The following ALCAM variants were observed in gnomAD, a reference collection of about 807,000 sequenced individuals.
ALCAM encodes the protein activated leukocyte cell adhesion molecule, also known as CD166 antigen.
ALCAM carries 30 observed loss-of-function variants against 70.9 expected under a neutral mutation model. The ratio of observed to expected loss-of-function variants is 0.42; its 90% CI spans 0.32 to 0.57. The LOEUF is 0.57. ALCAM is among the 20% of genes least tolerant of loss of function. The pLI, the probability that ALCAM is intolerant of heterozygous loss-of-function variation, is 0.11. For synonymous variants in ALCAM, 249 were observed against 242.5 expected (o/e 1.03, Z -0.25); for missense variants, 591 against 695.1 (o/e 0.85, Z 1.68).
At chr3:105,422,586 G>A (rs2107418819) in intron 1 of ALCAM, among the ~76,000 whole-genome samples, 1 of 151,460 alleles carries the variant, frequency 6.6e-6, no homozygotes, top group African/African-American at 2.4e-5. Flanking sequence ...TTAATTTATG[G>A]CGCTGTTGTA....
At chr3:105,552,103 A>G in intron 12 of ALCAM, 41 bp from the exon 13 acceptor site, 1 of 1,502,708 alleles carries the variant, frequency 6.7e-7, no homozygotes, top group South Asian at 1.2e-5. Context: ...ATATATCAAC[A>G]AATTTTGTTT....
At chr3:105,458,741 C>G (rs1937565817) in intron 1 of ALCAM, among the ~76,000 whole-genome samples, 1 of 152,060 alleles carries the variant, frequency 6.6e-6, no homozygotes, top group Non-Finnish European at 1.5e-5. Flanking sequence ...GCTCTTCTAC[C>G]ACTCCACATC....
intron 1 of ALCAM, among the ~76,000 whole-genome samples, chr3:105,487,169 A>C (rs1179440392): frequency 6.6e-6 from 1 of 152,048 alleles, no homozygotes; most frequent in Admixed American, 6.6e-5. Context: ...ACTAACCATG[A>C]AAAAAATTCT....
At chr3:105,510,486 C>T (rs1939208858) in intron 1 of ALCAM, among the ~76,000 whole-genome samples, 1 of 151,992 alleles carries the variant, frequency 6.6e-6, no homozygotes, top group Non-Finnish European at 1.5e-5. Flanking sequence ...TTTTCATGTC[C>T]ACTAGACTTC....
In ALCAM at chr3:105,544,076, C is replaced by T. The variant is rs571648194; in HGVS notation, c.992-1147C>T. Among the ~76,000 whole-genome samples, 52 of 151,534 alleles carry T rather than the reference C, an allele frequency of 3.4e-4. 1 individual carries two copies. Among genetic ancestry groups the T allele is most frequent in the Middle Eastern group, 6.8e-3 (2 of 294 alleles). On this transcript the variant is annotated intron_variant, in intron 8 of 15. Coordinates refer to ENST00000306107, the MANE Select transcript of ALCAM (RefSeq NM_001627.4). ...AAGTTGCAATTATGACATTTTAAAC[C>T]AAGGAGAAACTTGGAGTGTAATGGC...
intron 15 of ALCAM, 78 bp from the exon 16 acceptor site, chr3:105,574,398 CT>C (rs1166838273): frequency 6.6e-6 from 1 of 152,022 alleles, no homozygotes; most frequent in African/African-American, 2.4e-5. Flanking sequence ...TACTAAATTA[CT>C]TTTAGTACAA....
At chr3:105,538,303 C>T (rs1576229283) in intron 6 of ALCAM, among the ~76,000 whole-genome samples, 1 of 152,010 alleles carries the variant, frequency 6.6e-6, no homozygotes, top group Non-Finnish European at 1.5e-5. Context: ...ATCATCAAGA[C>T]ATGGTGACTG....
chr3:105,399,163 C>T (rs1009036918), intron 1 of ALCAM, among the ~76,000 whole-genome samples: 1 of 152,036 alleles, frequency 6.6e-6, no homozygotes, highest in East Asian at 1.9e-4. Flanking sequence ...AAAATAATTG[C>T]ATTTCAGTTT....
chr3:105,557,580 C>CA (rs1363619791), intron 14 of ALCAM, among the ~76,000 whole-genome samples: 4 of 152,184 alleles, frequency 2.6e-5, no homozygotes, highest in Non-Finnish European at 5.9e-5. Context: ...GGCTAAGGAA[C>CA]AAAAAAGTCC....
At chr3:105,384,840 C>G (rs1935610785) in intron 1 of ALCAM, among the ~76,000 whole-genome samples, 1 of 151,362 alleles carries the variant, frequency 6.6e-6, no homozygotes, top group Non-Finnish European at 1.5e-5. Context: ...AAATATAGGA[C>G]TTTGAATGCA....
chr3:105,553,432 T>C (rs1940456353), intron 14 of ALCAM, among the ~76,000 whole-genome samples: 1 of 151,884 alleles, frequency 6.6e-6, no homozygotes, highest in Non-Finnish European at 1.5e-5. Flanking sequence ...CCTTATCTTA[T>C]AAATGTGTAA....
At chr3:105,449,942 C>G (rs1227150093) in intron 1 of ALCAM, among the ~76,000 whole-genome samples, 1 of 152,076 alleles carries the variant, frequency 6.6e-6, no homozygotes, top group Non-Finnish European at 1.5e-5. Flanking sequence ...AAATGTCCTG[C>G]TAATTAAACT....
At chr3:105,485,375 TTGTGTG>T (rs10575049) in intron 1 of ALCAM, among the ~76,000 whole-genome samples, 2 of 149,600 alleles carry the variant, frequency 1.3e-5, no homozygotes, top group Non-Finnish European at 3.0e-5. Context: ...CAGAACTACA[TTGTGTG>T]TGTGTGTGTG....
At position 105,553,848 on chromosome 3, in the gene ALCAM, C is replaced by A. The variant is rs566200946; in HGVS notation, c.1664+1263C>A. Among the ~76,000 whole-genome samples the A allele has an allele frequency of 6.6e-4, 101 of 151,992 alleles. 1 individual carries two copies. Among genetic ancestry groups the A allele is most frequent in the Admixed American group, 3.0e-3 (45 of 15,240 alleles). On this transcript the variant is annotated intron_variant, in intron 14 of 15. Transcript: ENST00000306107. Reference sequence around the variant, plus strand: ...CACAGAATTGTTATTTGATTTAAGGCAGTGATGTTTTAGAATCTTTGTGTT... The same window carrying A: ...CACAGAATTGTTATTTGATTTAAGGAAGTGATGTTTTAGAATCTTTGTGTT...
In ALCAM at chr3:105,567,294, C is replaced by T. The variant is rs149576195; in HGVS notation, c.1665-4558C>T. Among the ~76,000 whole-genome samples, 42 of 152,254 alleles carry T rather than the reference C, an allele frequency of 2.8e-4. No individual in the cohort carries two copies. In the South Asian group the frequency reaches 8.3e-3, roughly 30 times the overall value. On this transcript the variant is annotated intron_variant, in intron 14 of 15. Transcript: ENST00000306107. ...CTTCAAGTTAATGGGCTTCATCAAA[C>T]CTGGGAAATTTTCTCATTGTTTCTT...
intron 1 of ALCAM, among the ~76,000 whole-genome samples, chr3:105,391,268 T>G (rs947952043): frequency 1.3e-4 from 20 of 152,246 alleles, no homozygotes; most frequent in African/African-American, 4.8e-4. Flanking sequence ...CTTTCTTATT[T>G]CCTTGAGAAG....
At chr3:105,498,692 G>A (rs1319036558) in intron 1 of ALCAM, among the ~76,000 whole-genome samples, 3 of 152,156 alleles carry the variant, frequency 2.0e-5, no homozygotes, top group Non-Finnish European at 4.4e-5. Flanking sequence ...GCAAATGGCT[G>A]TTAAGGAATC....
chr3:105,501,781 A>G (rs7624892), intron 1 of ALCAM, among the ~76,000 whole-genome samples: 18,626 of 152,208 alleles, frequency 0.12, 1,340 homozygotes, highest in East Asian at 0.24. Flanking sequence ...TAAGCTCACA[A>G]GCTTATTATG....
At chr3:105,567,415 C>T (rs1467770131) in intron 14 of ALCAM, among the ~76,000 whole-genome samples, 1 of 151,964 alleles carries the variant, frequency 6.6e-6, no homozygotes, top group Non-Finnish European at 1.5e-5. Context: ...TCTCACAGGC[C>T]ACTGAAGATC....
Sources: gnomAD v4.1 joint callset for allele counts (sites outside exome capture counted in the v4.1 genomes callset) on GRCh38, gnomAD v4.1.1 for gene constraint, MANE v1.5 for transcripts, NCBI Gene and HGNC (gene_info 2026-07-23, HGNC 2026-07-21) for gene names.